ARPP21: variants seen among roughly 807,000 people sequenced by gnomAD.
The protein encoded by ARPP21 is cAMP-regulated phosphoprotein 21.
A neutral mutation model predicts 113.2 loss-of-function variants in ARPP21; 69 were observed. The observed-to-expected ratio is 0.61, with a 90% CI of 0.50 to 0.74. The LOEUF is 0.74. Ranked by LOEUF, ARPP21 falls within the 30% of genes least tolerant of loss-of-function variation. The probability of loss-of-function intolerance (pLI) is 0.00; values close to 1 mark genes in which losing one functional copy is unlikely to be tolerated. For missense variants in ARPP21, 1,070 were observed against 1,037.4 expected, an observed-to-expected ratio of 1.03 and a Z score of -0.43; for synonymous variants, 368 against 375.5, an observed-to-expected ratio of 0.98 and a Z score of 0.23.
Position 35,743,900 on chromosome 3 carries a change from C to G in ARPP21, c.2072C>G (p.Pro691Arg). 1 of 1,613,700 alleles carries G rather than the reference C, an allele frequency of 6.2e-7. No homozygotes were observed. The highest frequency in any genetic ancestry group is 1.1e-5 in the South Asian group (1 of 91,078). ...ACCTCAACCACGCAACAGTACCGGC[C>G]CATGGCCCCGGTTCAGTACAACGCT... ...YPTSTTQQYR[P>R]MAPVQYNAQR... The change falls in exon 19 of 21, where the codon CCC becomes CGC. Residue 691 changes from proline to arginine, a missense_variant. Transcript: ENST00000684406.
intron 5 of ARPP21, chr3:35,684,575 A>T (rs1489457795): frequency 4.1e-6 from 4 of 985,400 alleles, no homozygotes. Flanking sequence ...TACTTATTTT[A>T]TCAGAGGCTG....
At chr3:35,698,808 C>A (rs1383933884) in intron 9 of ARPP21, among the ~76,000 whole-genome samples, 1 of 151,552 alleles carries the variant, frequency 6.6e-6, no homozygotes. Context: ...CTTTAAAATT[C>A]AGCAGAGAAC....
intron 9 of ARPP21, among the ~76,000 whole-genome samples, chr3:35,692,182 G>A (rs372026372): frequency 2.0e-5 from 3 of 151,632 alleles, no homozygotes; most frequent in African/African-American, 7.3e-5. Context: ...GTGTTTAAGG[G>A]CCCTTGAAGT....
intron 19 of ARPP21, among the ~76,000 whole-genome samples, chr3:35,785,746 C>T (rs921735027): frequency 1.5e-4 from 23 of 152,044 alleles, no homozygotes; most frequent in Non-Finnish European, 2.5e-4. Flanking sequence ...AGAGGAAGTA[C>T]GAAGAAAAAC....
chr3:35,665,557 G>A (rs2074140919), intron 1 of ARPP21, among the ~76,000 whole-genome samples: 4 of 152,154 alleles, frequency 2.6e-5, no homozygotes, highest in African/African-American at 9.7e-5. Context: ...CTTTAACACT[G>A]AGTTGTTTTG....
At chr3:35,651,307 G>T (rs571783708) in intron 1 of ARPP21, among the ~76,000 whole-genome samples, 2 of 152,170 alleles carry the variant, frequency 1.3e-5, no homozygotes, top group South Asian at 2.1e-4. Context: ...CAAATACCTT[G>T]CTCTGAAATA....
rs544748630 is a variant in ARPP21 at position 35,686,777 on chromosome 3, A to G, written c.262-962A>G. ...GGCTTAACGTTGGTTAATTTGTCAT[A>G]GTTTTAATCATAGCATAGGTTTTAC... On this transcript the variant is annotated intron_variant, in intron 5 of 20. Transcript: ENST00000684406. Among the ~76,000 whole-genome samples, 11 of 151,768 alleles carry G rather than the reference A, an allele frequency of 7.2e-5. 1 individual carries two copies. The highest frequency in any genetic ancestry group is 2.4e-4 in the African/African-American group (10 of 41,494).
intron 1 of ARPP21, among the ~76,000 whole-genome samples, chr3:35,678,177 G>A (rs371557108): frequency 6.6e-6 from 1 of 151,900 alleles, no homozygotes; most frequent in East Asian, 1.9e-4. Context: ...ACTGAGGCTG[G>A]AATAATGCAT....
chr3:35,675,660 G>A (rs1020984658), intron 1 of ARPP21, among the ~76,000 whole-genome samples: 1 of 151,908 alleles, frequency 6.6e-6, no homozygotes, highest in Admixed American at 6.6e-5. Context: ...AAGCACATTG[G>A]CTGTACATGC....
chr3:35,656,687 C>T (rs974541429), intron 1 of ARPP21, among the ~76,000 whole-genome samples: 1 of 151,596 alleles, frequency 6.6e-6, no homozygotes, highest in Non-Finnish European at 1.5e-5. Context: ...GTAAAGGGGT[C>T]GTATGAGGAA....
chr3:35,712,449 A>G (rs2091396996), intron 11 of ARPP21, among the ~76,000 whole-genome samples: 1 of 152,036 alleles, frequency 6.6e-6, no homozygotes, highest in Non-Finnish European at 1.5e-5. Flanking sequence ...AGCAAAAGTC[A>G]AATTTATTTT....
At chr3:35,725,947 A>G (rs1223447816) in intron 14 of ARPP21, among the ~76,000 whole-genome samples, 3 of 152,160 alleles carry the variant, frequency 2.0e-5, no homozygotes, top group African/African-American at 4.8e-5. Context: ...AAGAAGATGA[A>G]CATGACCTAC....
intron 19 of ARPP21, among the ~76,000 whole-genome samples, chr3:35,745,768 A>G (rs987910355): frequency 2.6e-5 from 4 of 152,206 alleles, no homozygotes; most frequent in African/African-American, 9.7e-5. Flanking sequence ...TTACTCTTTA[A>G]TAAAGCACAA....
At chr3:35,695,733 G>A (rs2083741710) in intron 9 of ARPP21, among the ~76,000 whole-genome samples, 1 of 151,582 alleles carries the variant, frequency 6.6e-6, no homozygotes, top group African/African-American at 2.4e-5. Context: ...GCAAGCTGGA[G>A]TATGGGCTAT....
At chr3:35,711,997 G>C (rs998338756) in intron 11 of ARPP21, among the ~76,000 whole-genome samples, 1 of 152,170 alleles carries the variant, frequency 6.6e-6, no homozygotes, top group African/African-American at 2.4e-5. Flanking sequence ...ATATCAAAAG[G>C]CAGGGATCAT....
chr3:35,747,403 G>A (rs1559833850), intron 19 of ARPP21, among the ~76,000 whole-genome samples: 1 of 148,282 alleles, frequency 6.7e-6, no homozygotes, highest in Non-Finnish European at 1.5e-5. Flanking sequence ...AGAAAGTTTA[G>A]AGAAATCAAA....
chr3:35,732,059 T>C (rs182744326), intron 15 of ARPP21, among the ~76,000 whole-genome samples: 4 of 152,338 alleles, frequency 2.6e-5, no homozygotes, highest in African/African-American at 7.2e-5. Context: ...CTACCCATTA[T>C]ATATGTGGGA....
intron 9 of ARPP21, among the ~76,000 whole-genome samples, chr3:35,704,892 GCTTTAATGCTTTTCA>G (rs1369596883): frequency 6.6e-6 from 1 of 152,000 alleles, no homozygotes. Flanking sequence ...TCTGGTTAGT[GCTTTAATGCTTTTCA>G]CTTTAATGCT....
At chr3:35,771,708 C>T (rs538702364) in intron 19 of ARPP21, among the ~76,000 whole-genome samples, 10 of 152,234 alleles carry the variant, frequency 6.6e-5, no homozygotes, top group African/African-American at 2.4e-4. Context: ...TGTGTGCAGG[C>T]ATCACACTGC....
Sources: allele counts gnomAD v4.1 joint callset (sites outside exome capture counted in the v4.1 genomes callset), GRCh38; gene constraint gnomAD v4.1.1; transcripts MANE v1.5; gene names NCBI Gene and HGNC (gene_info 2026-07-23, HGNC 2026-07-21).